Variants in LINGO2 observed in about 807,000 individuals in gnomAD.
The protein encoded by LINGO2 is leucine-rich repeat and immunoglobulin-like domain-containing nogo receptor-interacting protein 2.
A neutral mutation model predicts 30.6 loss-of-function variants in LINGO2; 14 were observed. That is an observed-to-expected ratio of 0.46 (90% CI 0.30 to 0.72). The LOEUF is 0.72. Ranked by LOEUF, LINGO2 falls within the 30% of genes least tolerant of loss-of-function variation. The pLI, the probability that LINGO2 is intolerant of heterozygous loss-of-function variation, is 0.07. For synonymous variants in LINGO2, 317 were observed against 288.5 expected (o/e 1.10, Z -1.00); for missense variants, 729 against 751.7 (o/e 0.97, Z 0.35).
At chr9:28,317,907 T>C (rs1436533598) in intron 3 of LINGO2, among the ~76,000 whole-genome samples, 3 of 152,156 alleles carry the variant, frequency 2.0e-5, no homozygotes, top group Non-Finnish European at 4.4e-5. Flanking sequence ...CCTGCCTTTG[T>C]TGGGACTAAG....
the LINGO2 span, among the ~76,000 whole-genome samples, chr9:28,770,780 G>C: frequency 6.6e-6 from 1 of 152,176 alleles, no homozygotes; most frequent in South Asian, 2.1e-4. Flanking sequence ...AGGGATGAAA[G>C]TATTAATTGT....
chr9:28,836,340 G>T, the LINGO2 span, among the ~76,000 whole-genome samples: 2 of 152,086 alleles, frequency 1.3e-5, no homozygotes, highest in African/African-American at 4.8e-5. Flanking sequence ...TTTAGATGGA[G>T]TTTTGCTCTT....
chr9:28,185,709 T>C (rs912007851), intron 4 of LINGO2, among the ~76,000 whole-genome samples: 1 of 152,176 alleles, frequency 6.6e-6, no homozygotes, highest in Admixed American at 6.6e-5. Context: ...CTTGGGCACA[T>C]CTGAAATTTT....
intron 2 of LINGO2, among the ~76,000 whole-genome samples, chr9:28,469,800 C>CT: frequency 6.6e-6 from 1 of 152,182 alleles, no homozygotes; most frequent in African/African-American, 2.4e-5. Context: ...TACAACTAGA[C>CT]TTACTACATA....
the LINGO2 span, among the ~76,000 whole-genome samples, chr9:29,043,486 C>T: frequency 4.6e-5 from 7 of 151,922 alleles, no homozygotes; most frequent in African/African-American, 1.2e-4. Context: ...CTGAATCCTG[C>T]GAATCTGGGT....
the LINGO2 span, among the ~76,000 whole-genome samples, chr9:28,721,075 A>T: frequency 6.6e-6 from 1 of 152,154 alleles, no homozygotes; most frequent in Non-Finnish European, 1.5e-5. Context: ...AAAAAAGCTC[A>T]TCATCACTGG....
chr9:28,971,796 G>A, the LINGO2 span, among the ~76,000 whole-genome samples: 15 of 152,340 alleles, frequency 9.8e-5, no homozygotes, highest in South Asian at 2.1e-3. Context: ...GACCTTGAGT[G>A]AACATAGGCA....
the LINGO2 span, among the ~76,000 whole-genome samples, chr9:28,898,978 G>A: frequency 2.0e-4 from 31 of 152,036 alleles, no homozygotes; most frequent in African/African-American, 7.5e-4. Flanking sequence ...ACGTTTTATG[G>A]TGAAGACATC....
the LINGO2 span, among the ~76,000 whole-genome samples, chr9:29,069,912 G>A: frequency 6.6e-6 from 1 of 151,964 alleles, no homozygotes; most frequent in Non-Finnish European, 1.5e-5. Flanking sequence ...ATACAGCACA[G>A]GTGGCATCAG....
At chr9:28,958,728 G>C in the LINGO2 span, among the ~76,000 whole-genome samples, 7 of 152,034 alleles carry the variant, frequency 4.6e-5, no homozygotes, top group Admixed American at 4.6e-4. Flanking sequence ...AGGAGAGAAG[G>C]GGAGAAGAAG....
intron 4 of LINGO2, among the ~76,000 whole-genome samples, chr9:28,040,187 G>A (rs148103301): frequency 6.6e-6 from 1 of 152,106 alleles, no homozygotes; most frequent in Non-Finnish European, 1.5e-5. Flanking sequence ...TAGCAAAACA[G>A]ATTGATTCAT....
At chr9:28,742,401 C>G in the LINGO2 span, among the ~76,000 whole-genome samples, 1 of 151,408 alleles carries the variant, frequency 6.6e-6, no homozygotes, top group Non-Finnish European at 1.5e-5. Flanking sequence ...ATGAGTTGTG[C>G]AAAGTCCTGT....
At chr9:28,402,502 A>C (rs778996327) in intron 2 of LINGO2, among the ~76,000 whole-genome samples, 1 of 152,104 alleles carries the variant, frequency 6.6e-6, no homozygotes, top group African/African-American at 2.4e-5. Flanking sequence ...ACTTTTTGCC[A>C]TGAAGAATCT....
chr9:28,829,075 A>C, the LINGO2 span, among the ~76,000 whole-genome samples: 3 of 152,138 alleles, frequency 2.0e-5, no homozygotes, highest in African/African-American at 7.2e-5. Flanking sequence ...AAAAACCCCC[A>C]GGACCAGACC....
At chr9:28,128,506 A>T (rs1563990885) in intron 4 of LINGO2, among the ~76,000 whole-genome samples, 1 of 152,208 alleles carries the variant, frequency 6.6e-6, no homozygotes, top group Non-Finnish European at 1.5e-5. Context: ...CCCACGCATG[A>T]TACCACATGG....
intron 1 of LINGO2, among the ~76,000 whole-genome samples, chr9:28,560,143 C>A (rs1354859999): frequency 6.6e-6 from 1 of 151,080 alleles, no homozygotes; most frequent in Non-Finnish European, 1.5e-5. Context: ...GTTACCAATA[C>A]TTCTCATCTT....
chr9:27,948,569 G>A, exon 6 of LINGO2: 1 of 341,368 alleles, frequency 2.9e-6, no homozygotes, highest in Admixed American at 4.4e-5. Context: ...AATTGTCCGT[G>A]AGTGTGAGCC....
At chr9:29,096,966 T>C in the LINGO2 span, among the ~76,000 whole-genome samples, 1 of 139,596 alleles carries the variant, frequency 7.2e-6, no homozygotes, top group South Asian at 2.2e-4. Context: ...ATACTACAGA[T>C]AGGCAGAAAA....
rs190980511 is a variant in LINGO2, at chr9:28,608,612, C to T, written c.-365+61588G>A. ...TTTGGTCCGCGCAAATTTTCAATAT[C>T]TTGGTGAGCTGCTTCTTAGATTAAA... is the stretch of plus-strand genomic sequence containing the variant. On this transcript the variant is annotated intron_variant, in intron 1 of 5. Coordinates refer to ENST00000379992, the Ensembl canonical transcript of LINGO2. Among the ~76,000 whole-genome samples, 86 of 151,896 alleles carry T rather than the reference C, an allele frequency of 5.7e-4. 1 individual carries two copies. The highest frequency in any genetic ancestry group is 5.6e-3 in the Admixed American group (85 of 15,228).
Sources: allele counts gnomAD v4.1 joint callset (sites outside exome capture counted in the v4.1 genomes callset), GRCh38; gene constraint gnomAD v4.1.1; transcripts MANE v1.5; gene names NCBI Gene and HGNC (gene_info 2026-07-23, HGNC 2026-07-21).